Variants in MACROD2 observed in about 807,000 individuals in gnomAD.
MACROD2 encodes the protein mono-ADP ribosylhydrolase 2, also known as ADP-ribose glycohydrolase MACROD2.
A neutral mutation model predicts 70.4 loss-of-function variants in MACROD2; 36 were observed. That is an observed-to-expected ratio of 0.51 (90% CI 0.39 to 0.68). The LOEUF is 0.68. MACROD2 is among the 30% of genes least tolerant of loss of function. MACROD2 has a pLI of 0.00. For synonymous variants in MACROD2, 172 were observed against 178.8 expected, an observed-to-expected ratio of 0.96 and a Z score of 0.30; for missense variants, 496 against 538.4, an observed-to-expected ratio of 0.92 and a Z score of 0.78.
intron 5 of MACROD2, among the ~76,000 whole-genome samples, chr20:15,013,528 C>T (rs1290383848): frequency 6.6e-6 from 1 of 152,106 alleles, no homozygotes; most frequent in Non-Finnish European, 1.5e-5. Context: ...GTGCGCAAGG[C>T]CATGCCACCT....
intron 5 of MACROD2, among the ~76,000 whole-genome samples, chr20:15,119,226 C>A (rs192736613): frequency 5.3e-4 from 80 of 152,246 alleles, no homozygotes; most frequent in Non-Finnish European, 1.1e-3. Context: ...GTAAGTTTTG[C>A]CTATCTAGTT....
intron 7 of MACROD2, among the ~76,000 whole-genome samples, chr20:15,475,661 G>A (rs1172666094): frequency 2.0e-5 from 3 of 152,194 alleles, no homozygotes; most frequent in Non-Finnish European, 2.9e-5. Flanking sequence ...TGCCACACAC[G>A]TGCCAAGGGG....
chr20:15,338,341 G>A (rs939428338), intron 6 of MACROD2, among the ~76,000 whole-genome samples: 2 of 151,536 alleles, frequency 1.3e-5, no homozygotes, highest in African/African-American at 4.9e-5. Flanking sequence ...CTTTCCCAGA[G>A]AATCTAGCCA....
At chr20:14,195,077 A>G (rs1477680847) in intron 3 of MACROD2, among the ~76,000 whole-genome samples, 1 of 152,154 alleles carries the variant, frequency 6.6e-6, no homozygotes, top group Non-Finnish European at 1.5e-5. Context: ...AATTATTTTT[A>G]GAAGGGACTT....
chr20:14,239,725 A>G (rs2081912196), intron 3 of MACROD2, among the ~76,000 whole-genome samples: 2 of 152,214 alleles, frequency 1.3e-5, no homozygotes, highest in African/African-American at 2.4e-5. Flanking sequence ...TGAAACTATA[A>G]AAACCATGGA....
intron 5 of MACROD2, among the ~76,000 whole-genome samples, chr20:14,969,361 T>TACACACACACACACAC (rs3045701): frequency 4.3e-5 from 6 of 138,124 alleles, no homozygotes; most frequent in East Asian, 4.5e-4. Context: ...TAAATGCTTT[T>TACACACACACACACAC]ACACACACAC....
intron 5 of MACROD2, among the ~76,000 whole-genome samples, chr20:14,878,240 A>C (rs1042850142): frequency 6.6e-6 from 1 of 152,172 alleles, no homozygotes; most frequent in African/African-American, 2.4e-5. Flanking sequence ...GAAGAAGGGA[A>C]GAAAGAGAAC....
At chr20:15,365,360 C>CT (rs1457739506) in intron 6 of MACROD2, among the ~76,000 whole-genome samples, 1 of 152,056 alleles carries the variant, frequency 6.6e-6, no homozygotes, top group Non-Finnish European at 1.5e-5. Context: ...AATCCTAAGC[C>CT]TTTTTAATAA....
chr20:14,762,263 C>T (rs528972437), intron 5 of MACROD2, among the ~76,000 whole-genome samples: 3 of 152,176 alleles, frequency 2.0e-5, no homozygotes, highest in Admixed American at 6.5e-5. Flanking sequence ...TTAGGGATTC[C>T]CTCCTCTCGA....
intron 8 of MACROD2, among the ~76,000 whole-genome samples, chr20:15,803,484 T>C (rs532235092): frequency 3.6e-4 from 55 of 152,244 alleles, no homozygotes; most frequent in African/African-American, 1.3e-3. Flanking sequence ...ATTGGTCTCA[T>C]TGGAGTTGAG....
At chr20:15,301,147 A>T (rs983341389) in intron 6 of MACROD2, among the ~76,000 whole-genome samples, 1 of 152,188 alleles carries the variant, frequency 6.6e-6, no homozygotes, top group African/African-American at 2.4e-5. Flanking sequence ...TGGCCCACTG[A>T]GTCACTCCTT....
chr20:14,187,275 G>C (rs982830422), intron 3 of MACROD2, among the ~76,000 whole-genome samples: 2 of 152,064 alleles, frequency 1.3e-5, no homozygotes, highest in African/African-American at 2.4e-5. Flanking sequence ...TTGTGACATT[G>C]GTGTAAATGA....
chr20:14,547,246 G>C, intron 4 of MACROD2: 1 of 588,696 alleles, frequency 1.7e-6, no homozygotes, highest in Non-Finnish European at 2.4e-6. Context: ...GGAGGGACAC[G>C]TGAAGGATCT....
intron 3 of MACROD2, among the ~76,000 whole-genome samples, chr20:14,397,914 A>G (rs1450947329): frequency 6.6e-6 from 1 of 151,978 alleles, no homozygotes; most frequent in East Asian, 1.9e-4. Context: ...TCTAGTAACC[A>G]TAATTCTACT....
At chr20:15,218,815 G>T (rs2076832810) in intron 5 of MACROD2, among the ~76,000 whole-genome samples, 1 of 151,436 alleles carries the variant, frequency 6.6e-6, no homozygotes, top group South Asian at 2.1e-4. Flanking sequence ...GGAGGTCGAG[G>T]TGGGTGGATC....
At chr20:16,034,196 T>C (rs1439385051) in intron 15 of MACROD2, among the ~76,000 whole-genome samples, 2 of 152,102 alleles carry the variant, frequency 1.3e-5, no homozygotes, top group African/African-American at 4.8e-5. Flanking sequence ...TTATGGCTGT[T>C]GGAACCACAT....
chr20:14,839,139 G>A (rs923485962), intron 5 of MACROD2, among the ~76,000 whole-genome samples: 3 of 152,050 alleles, frequency 2.0e-5, no homozygotes, highest in African/African-American at 7.2e-5. Context: ...CAAGTTGTGA[G>A]GGGGAGAAGT....
At chr20:15,340,453 A>G (rs1308666015) in intron 6 of MACROD2, among the ~76,000 whole-genome samples, 1 of 150,916 alleles carries the variant, frequency 6.6e-6, no homozygotes, top group Admixed American at 6.6e-5. Flanking sequence ...TTTCTTTTTA[A>G]CTCTCCTTTG....
rs551564489 is a variant in MACROD2, at chr20:15,341,672, T to G, written c.541-89733T>G. ...ATGCAAAAGCATACACCTCTGGAAG[T>G]CTATATTTCAGCTTTCCCTAGTATT... On this transcript the variant is annotated intron_variant, in intron 6 of 17. Coordinates refer to ENST00000684519, the MANE Select transcript of MACROD2 (RefSeq NM_001351661.2). Among the ~76,000 whole-genome samples the G allele has an allele frequency of 2.6e-5, 4 of 152,318 alleles. No individual in the cohort carries two copies. In the East Asian group the frequency reaches 7.7e-4, roughly 29 times the overall value.
Sources: allele counts gnomAD v4.1 joint callset (sites outside exome capture counted in the v4.1 genomes callset), GRCh38; gene constraint gnomAD v4.1.1; transcripts MANE v1.5; gene names NCBI Gene and HGNC (gene_info 2026-07-23, HGNC 2026-07-21).